PCDHGA9: variants seen among roughly 807,000 people sequenced by gnomAD.
PCDHGA9 encodes protocadherin gamma-A9.
Under a neutral mutation model 62.5 loss-of-function variants are expected in PCDHGA9, and 37 were observed. The ratio of observed to expected loss-of-function variants is 0.59; its 90% CI spans 0.46 to 0.78. The LOEUF is 0.78. PCDHGA9 is among the 30% of genes least tolerant of loss of function. PCDHGA9 has a pLI of 0.00. For missense variants in PCDHGA9, 1,138 were observed against 1,166.2 expected (o/e 0.98, Z 0.35); for synonymous variants, 459 against 484.6 (o/e 0.95, Z 0.69).
At chr5:141,427,826 G>A (rs550161736) in intron 1 of PCDHGA9, 2 of 1,536,500 alleles carry the variant, frequency 1.3e-6, no homozygotes, top group Admixed American at 3.3e-5. Flanking sequence ...TGGTGGTCGC[G>A]CAGCGTGCCT....
intron 1 of PCDHGA9, chr5:141,413,527 G>A (rs768496934): frequency 1.2e-6 from 2 of 1,613,938 alleles, no homozygotes; most frequent in Non-Finnish European, 1.7e-6. Flanking sequence ...GGAAGACAGG[G>A]TGAAACTTTT....
chr5:141,492,492 G>A (rs896538392), intron 1 of PCDHGA9, among the ~76,000 whole-genome samples: 2 of 152,206 alleles, frequency 1.3e-5, no homozygotes, highest in African/African-American at 2.4e-5. Context: ...AGGACCAGGC[G>A]AGGACTCCGG....
rs576318312 is a variant in PCDHGA9, at chr5:141,410,171, A to G, written c.2424+4795A>G. On this transcript the variant is annotated intron_variant, in intron 1 of 3. Coordinates refer to ENST00000573521, the MANE Select transcript of PCDHGA9 (RefSeq NM_018921.3). ...CGGTGGACAGCCGCCACTCTCTGCCACCGCCACGCTTCATCTGGTCTTCGC... is the reference window on the plus strand; with the variant it reads ...CGGTGGACAGCCGCCACTCTCTGCCGCCGCCACGCTTCATCTGGTCTTCGC... 181 of 1,613,780 alleles carry G rather than the reference A, an allele frequency of 1.1e-4. 1 individual carries two copies. The East Asian group carries it at 4.0e-3, about 36-fold the overall frequency.
At position 141,477,055 on chromosome 5, in the gene PCDHGA9, G is replaced by A. The variant is rs531755338; in HGVS notation, c.2425-17752G>A. Reference sequence around the variant, plus strand: ...CAATCAAGGGTCGGCTGGACTTCGAGGACACCAAACTCCATGAGATTTACA... The same window carrying A: ...CAATCAAGGGTCGGCTGGACTTCGAAGACACCAAACTCCATGAGATTTACA... On this transcript the variant is annotated intron_variant, in intron 1 of 3. Transcript: ENST00000573521. This position sits in a 1 kb window ranked among gnomAD's most constrained non-coding sequence, Gnocchi z 4.9. The A allele has an allele frequency of 4.5e-5, 72 of 1,614,242 alleles. 1 individual carries two copies. In the South Asian group the frequency reaches 7.8e-4, roughly 17 times the overall value.
chr5:141,421,322 T>TC (rs761059925), intron 1 of PCDHGA9: 24 of 1,613,746 alleles, frequency 1.5e-5, no homozygotes, highest in Middle Eastern at 1.6e-4. Flanking sequence ...GCCAGGCAGA[T>TC]CCGATATTCG....
chr5:141,433,406 TTA>T (rs2097606059), intron 1 of PCDHGA9, among the ~76,000 whole-genome samples: 1 of 149,982 alleles, frequency 6.7e-6, no homozygotes. Flanking sequence ...TATCTATCTA[TTA>T]CTTTCTTGTA....
At chr5:141,409,863 A>G in intron 1 of PCDHGA9, 3 of 1,612,376 alleles carry the variant, frequency 1.9e-6, no homozygotes, top group Non-Finnish European at 2.5e-6. Flanking sequence ...TTGGTGGGAG[A>G]CCGCAATGAC....
chr5:141,490,346 TG>T lies in PCDHGA9; in HGVS notation c.2425-4457del, dbSNP rs1458588422. ...GAGAGCACACCAGTGGGCACAGTAG[TG>T]GGGTTGTTTAATGTGCGAGACCGGG... On this transcript the variant is annotated intron_variant, in intron 1 of 3. Coordinates refer to ENST00000573521, the MANE Select transcript of PCDHGA9 (RefSeq NM_018921.3). The surrounding 1 kb of genome is among the most constrained non-coding windows in gnomAD (Gnocchi z 5.4). 1.2e-6 allele frequency: 2 copies of T among 1,614,164 alleles called. No individual in the cohort carries two copies. The highest frequency in any genetic ancestry group is 3.3e-5 in the Admixed American group (2 of 60,032).
chr5:141,443,788 A>C (rs1468852602), intron 1 of PCDHGA9, among the ~76,000 whole-genome samples: 2 of 152,224 alleles, frequency 1.3e-5, no homozygotes, highest in African/African-American at 4.8e-5. Context: ...AGACAAAAAA[A>C]ATGAAAAGGA....
chr5:141,421,357 T>A lies in PCDHGA9; in HGVS notation c.2424+15981T>A, dbSNP rs761522510. ...GGTGCCAGAAGAGACCGAAAAGGGC[T>A]CCTTCGTGGGCAATATCTCCAAGGA... On this transcript the variant is annotated intron_variant, in intron 1 of 3. Coordinates refer to ENST00000573521, the MANE Select transcript of PCDHGA9 (RefSeq NM_018921.3). 4.3e-6 allele frequency: 7 copies of A among 1,613,976 alleles called. 1 individual carries two copies. The South Asian group carries it at 7.7e-5, about 18-fold the overall frequency.
chr5:141,508,829 C>G (rs370074494), intron 3 of PCDHGA9, among the ~76,000 whole-genome samples: 10 of 152,240 alleles, frequency 6.6e-5, no homozygotes, highest in Middle Eastern at 3.4e-3. Context: ...TCTGGGCCCC[C>G]CTCCCCTACC....
intron 1 of PCDHGA9, among the ~76,000 whole-genome samples, chr5:141,454,371 G>A (rs901551817): frequency 6.6e-6 from 1 of 152,096 alleles, no homozygotes; most frequent in Non-Finnish European, 1.5e-5. Context: ...AAGGAGTATG[G>A]CAACTTGTCA....
chr5:141,438,392 ATTAAC>A (rs1296512476), intron 1 of PCDHGA9, among the ~76,000 whole-genome samples: 3 of 151,714 alleles, frequency 2.0e-5, no homozygotes, highest in African/African-American at 7.3e-5. Context: ...TTAGTTCATC[ATTAAC>A]TCTCTGAAGT....
intron 1 of PCDHGA9, among the ~76,000 whole-genome samples, chr5:141,455,410 G>A (rs1332059386): frequency 6.6e-6 from 1 of 152,130 alleles, no homozygotes; most frequent in Non-Finnish European, 1.5e-5. Context: ...CAGAGACAGA[G>A]GGAGCGGGGC....
Position 141,477,678 on chromosome 5 carries a change from C to T in PCDHGA9, c.2425-17129C>T, listed in dbSNP as rs967769574. ...AATCGTGACAATGGCATAGTGTCAT[C>T]CTTAGTGCCCCTAGACTATGAGGAT... On this transcript the variant is annotated intron_variant, in intron 1 of 3. Coordinates refer to ENST00000573521, the MANE Select transcript of PCDHGA9 (RefSeq NM_018921.3). This position sits in a 1 kb window ranked among gnomAD's most constrained non-coding sequence, Gnocchi z 4.9. 9.9e-6 allele frequency: 16 copies of T among 1,614,182 alleles called. No homozygotes were observed. The highest frequency in any genetic ancestry group is 1.1e-5 in the Non-Finnish European group (13 of 1,180,046).
At chr5:141,473,682 G>A (rs2099326903) in intron 1 of PCDHGA9, among the ~76,000 whole-genome samples, 1 of 152,186 alleles carries the variant, frequency 6.6e-6, no homozygotes, top group Admixed American at 6.5e-5. Context: ...GGGAAGGGCT[G>A]GGGTTCTGAC....
intron 3 of PCDHGA9, among the ~76,000 whole-genome samples, chr5:141,509,004 G>A (rs2099873761): frequency 6.6e-6 from 1 of 152,072 alleles, no homozygotes; most frequent in South Asian, 2.1e-4. Context: ...AGGAGAGGAG[G>A]AAGTGGGCAG....
intron 1 of PCDHGA9, among the ~76,000 whole-genome samples, chr5:141,456,297 A>G (rs537379475): frequency 6.6e-6 from 1 of 152,274 alleles, no homozygotes; most frequent in African/African-American, 2.4e-5. Context: ...CGTCTAATGG[A>G]GAACAGCAGC....
At chr5:141,410,473 A>G (rs1347318074) in intron 1 of PCDHGA9, 1 of 1,614,028 alleles carries the variant, frequency 6.2e-7, no homozygotes, top group East Asian at 2.2e-5. Context: ...TGTGCATTGC[A>G]CATACGGGTA....
Sources: gnomAD v4.1 joint callset for allele counts (sites outside exome capture counted in the v4.1 genomes callset) on GRCh38, gnomAD v4.1.1 for gene constraint, Gnocchi (gnomAD v3.1) non-coding constraint, MANE v1.5 for transcripts, NCBI Gene and HGNC (gene_info 2026-07-23, HGNC 2026-07-21) for gene names.